PAK3: variants seen among roughly 807,000 people sequenced by gnomAD.
PAK3 encodes the protein p21 (RAC1) activated kinase 3, also known as serine/threonine-protein kinase PAK 3.
PAK3 carries 4 observed loss-of-function variants against 41.0 expected under a neutral mutation model. The ratio of observed to expected loss-of-function variants is 0.10; its 90% confidence interval spans 0.05 to 0.22. PAK3 has a LOEUF of 0.22. Ranked by LOEUF, PAK3 falls within the 10% of genes least tolerant of loss-of-function variation. The probability of loss-of-function intolerance (pLI) is 1.00; values close to 1 mark genes in which losing one functional copy is unlikely to be tolerated. For synonymous variants in PAK3, 146 were observed against 139.6 expected, an observed-to-expected ratio of 1.05 and a Z score of -0.32; for missense variants, 205 against 409.9, an observed-to-expected ratio of 0.50 and a Z score of 4.32.
chrX:111,089,397 A>G (rs903604280), intron 1 of PAK3, among the ~76,000 whole-genome samples: 3 of 112,185 alleles, frequency 2.7e-5, no homozygotes. Flanking sequence ...GAATAACCCA[A>G]AATTGGTTGT....
At chrX:111,061,810 C>T (rs1224542666) in intron 1 of PAK3, among the ~76,000 whole-genome samples, 1 of 110,082 alleles carries the variant, frequency 9.1e-6, no homozygotes, top group Non-Finnish European at 1.9e-5. Flanking sequence ...GAACCTTATA[C>T]TCAGTCACTT....
chrX:111,073,633 T>C (rs2092762919), intron 1 of PAK3, among the ~76,000 whole-genome samples: 1 of 112,110 alleles, frequency 8.9e-6, no homozygotes, highest in Non-Finnish European at 1.9e-5. Flanking sequence ...ACTAGATACA[T>C]ATAATCTACA....
chrX:111,135,307 G>A (rs1240964400), intron 5 of PAK3, among the ~76,000 whole-genome samples: 2 of 111,665 alleles, frequency 1.8e-5, no homozygotes, highest in East Asian at 5.7e-4. Context: ...ATAGAGAAAA[G>A]CACTTAATTA....
intron 1 of PAK3, among the ~76,000 whole-genome samples, chrX:111,080,972 T>C (rs1358230241): frequency 9.0e-6 from 1 of 111,568 alleles, no homozygotes; most frequent in Non-Finnish European, 1.9e-5. Flanking sequence ...AAAGGAAAGA[T>C]GCCAGGGACA....
intron 1 of PAK3, among the ~76,000 whole-genome samples, chrX:111,050,247 G>A (rs1603013349): frequency 9.0e-6 from 1 of 111,282 alleles, no homozygotes; most frequent in African/African-American, 3.3e-5. Flanking sequence ...GAAGCACCGT[G>A]ATCCTTTTTG....
At chrX:110,973,985 A>T (rs1421399397) in intron 1 of PAK3, among the ~76,000 whole-genome samples, 1 of 112,254 alleles carries the variant, frequency 8.9e-6, no homozygotes, top group Non-Finnish European at 1.9e-5. Flanking sequence ...ACATAATGGT[A>T]AAGGGATCAA....
At chrX:110,947,258 C>G (rs933160366) in intron 1 of PAK3, among the ~76,000 whole-genome samples, 1 of 112,085 alleles carries the variant, frequency 8.9e-6, no homozygotes, top group Non-Finnish European at 1.9e-5. Flanking sequence ...TGAATGACTT[C>G]TTTCCTCGTC....
intron 7 of PAK3, among the ~76,000 whole-genome samples, chrX:111,148,296 C>T (rs1256206241): frequency 8.9e-6 from 1 of 112,019 alleles, no homozygotes; most frequent in Admixed American, 9.4e-5. Flanking sequence ...ACACAGCACA[C>T]TGTTTTTTTG....
At chrX:110,997,581 G>C (rs2091762291) in intron 1 of PAK3, among the ~76,000 whole-genome samples, 2 of 111,893 alleles carry the variant, frequency 1.8e-5, no homozygotes, top group African/African-American at 3.2e-5. Context: ...ATGGTTTTTA[G>C]CCTAGGCATC....
At chrX:111,062,745 A>G (rs2092667724) in intron 1 of PAK3, among the ~76,000 whole-genome samples, 1 of 111,666 alleles carries the variant, frequency 9.0e-6, no homozygotes, top group Non-Finnish European at 1.9e-5. Context: ...GCCTTAGGTT[A>G]TGAAGCCAAT....
chrX:111,174,937 C>A (rs371074879), intron 11 of PAK3, among the ~76,000 whole-genome samples: 6 of 111,118 alleles, frequency 5.4e-5, no homozygotes, highest in Non-Finnish European at 1.1e-4. Flanking sequence ...TTTCTCCCAC[C>A]GGGAATTTTC....
At chrX:111,075,547 A>C (rs967617762) in intron 1 of PAK3, among the ~76,000 whole-genome samples, 3 of 112,838 alleles carry the variant, frequency 2.7e-5, no homozygotes, top group Non-Finnish European at 5.6e-5. Context: ...CCTAGATTTC[A>C]GAGGATGTAT....
intron 1 of PAK3, among the ~76,000 whole-genome samples, chrX:111,022,843 A>G (rs1393059723): frequency 9.0e-6 from 1 of 111,142 alleles, no homozygotes; most frequent in Non-Finnish European, 1.9e-5. Context: ...GGGTAGAAAA[A>G]GATATTCCAT....
intron 5 of PAK3, among the ~76,000 whole-genome samples, chrX:111,127,360 G>GTTGT (rs1033106148): frequency 2.7e-5 from 3 of 109,312 alleles, no homozygotes; most frequent in Non-Finnish European, 5.7e-5. Flanking sequence ...AGGATTTTTT[G>GTTGT]TTGTTTGTTT....
chrX:111,099,518 G>A (rs865892052), intron 3 of PAK3, among the ~76,000 whole-genome samples: 21 of 110,099 alleles, frequency 1.9e-4, no homozygotes, highest in Non-Finnish European at 3.6e-4. Context: ...TAGTCACAGA[G>A]AGGCCTGATT....
intron 1 of PAK3, chrX:111,096,767 C>T (rs2092996640): frequency 1.1e-5 from 1 of 87,109 alleles, no homozygotes; most frequent in African/African-American, 4.2e-5. Flanking sequence ...CCCCCGCCCG[C>T]CCCCCTACCC....
At chrX:111,089,783 A>T (rs1258340329) in intron 1 of PAK3, among the ~76,000 whole-genome samples, 1 of 110,795 alleles carries the variant, frequency 9.0e-6, no homozygotes, top group Non-Finnish European at 1.9e-5. Context: ...TCTGGATGTG[A>T]TTCTCCTCTC....
chrX:111,114,828 C>G lies in PAK3; in HGVS notation c.-27-8249C>G, dbSNP rs755888065. ...TCCTCCCCTTTCTCTCTGCCCAGTG[C>G]CTTTGTCAGAATGTGCTCTAGGCTA... is the stretch of plus-strand genomic sequence containing the variant. On this transcript the variant is annotated intron_variant, in intron 4 of 17. Transcript: ENST00000372007. Among the ~76,000 whole-genome samples the G allele has an allele frequency of 6.2e-5, 7 of 112,311 alleles. No homozygotes were observed. The South Asian group carries it at 2.6e-3, about 42-fold the overall frequency.
At chrX:111,029,574 T>A (rs2092317052) in intron 1 of PAK3, among the ~76,000 whole-genome samples, 1 of 112,171 alleles carries the variant, frequency 8.9e-6, no homozygotes, top group Admixed American at 9.5e-5. Context: ...ACTTTTACTA[T>A]ACCATACTGC....
Sources: allele counts gnomAD v4.1 joint callset (sites outside exome capture counted in the v4.1 genomes callset), GRCh38; gene constraint gnomAD v4.1.1; transcripts MANE v1.5; gene names NCBI Gene and HGNC (gene_info 2026-07-23, HGNC 2026-07-21).